PCDHGB1: variants seen among roughly 807,000 people sequenced by gnomAD.
PCDHGB1 encodes protocadherin gamma-B1.
In PCDHGB1, 34 loss-of-function variants were observed where a neutral mutation model predicts 56.6. The ratio of observed to expected loss-of-function variants is 0.60; its 90% CI spans 0.46 to 0.80. The LOEUF (loss-of-function observed/expected upper bound fraction) is 0.80, where lower values mean the gene tolerates loss of function less well. Among genes scored for constraint, PCDHGB1 ranks in the 30% least tolerant of loss-of-function variants. PCDHGB1 has a pLI of 0.00. For missense variants in PCDHGB1, 1,278 were observed against 1,204.6 expected (o/e 1.06, Z -0.90); for synonymous variants, 561 against 505.9 (o/e 1.11, Z -1.46).
Position 141,487,856 on chromosome 5 carries a change from T to C in PCDHGB1, c.2410-6951T>C. The C allele has an allele frequency of 2.0e-6, 2 of 977,364 alleles. No homozygotes were observed. The highest frequency in any genetic ancestry group is 3.0e-6 in the Non-Finnish European group (2 of 671,858). 60.5% of individuals were successfully genotyped at this position (977,364 alleles called of 1,614,324 possible). A position where few individuals can be genotyped will look rare whatever the true frequency, so the allele number is the denominator to read the frequency against. Reference sequence around the variant, plus strand: ...ATATCTGAGTAAGAAATGAAAGTAATTGGTGATCAAGAGCCAGGCTGTTGT... The same window carrying C: ...ATATCTGAGTAAGAAATGAAAGTAACTGGTGATCAAGAGCCAGGCTGTTGT... On this transcript the variant is annotated intron_variant, in intron 1 of 3. Transcript: ENST00000523390. The surrounding 1 kb of genome is among the most constrained non-coding windows in gnomAD (Gnocchi z 5.0).
chr5:141,500,187 TATTTA>T (rs1467273493), intron 2 of PCDHGB1, among the ~76,000 whole-genome samples: 2 of 110,668 alleles, frequency 1.8e-5, no homozygotes, highest in Non-Finnish European at 3.6e-5. Flanking sequence ...TTTTTATTTT[TATTTA>T]TTTATTTATT....
chr5:141,408,738 C>T, intron 1 of PCDHGB1: 2 of 1,609,632 alleles, frequency 1.2e-6, no homozygotes, highest in Non-Finnish European at 1.7e-6. Flanking sequence ...CCTTATTTTT[C>T]ATTAATGGTT....
At chr5:141,371,474 T>A in intron 1 of PCDHGB1, 1 of 1,613,986 alleles carries the variant, frequency 6.2e-7, no homozygotes, top group South Asian at 1.1e-5. Flanking sequence ...AAGAAGATGC[T>A]GAGCTGGGGA....
Position 141,486,552 on chromosome 5 carries a change from A to G in PCDHGB1, c.2410-8255A>G. On this transcript the variant is annotated intron_variant, in intron 1 of 3. Coordinates refer to ENST00000523390, the MANE Select transcript of PCDHGB1 (RefSeq NM_018922.3). This position sits in a 1 kb window ranked among gnomAD's most constrained non-coding sequence, Gnocchi z 5.0. ...CCACCCTCTTTCTTTCAGAGGTCAC[A>G]TGAGGTGTTTGTTCCTGAGAACAAT... is the stretch of plus-strand genomic sequence containing the variant. 1 of 1,614,136 alleles carries G rather than the reference A, an allele frequency of 6.2e-7. No homozygotes were observed. The highest frequency in any genetic ancestry group is 2.2e-5 in the East Asian group (1 of 44,882).
chr5:141,382,795 T>C, intron 1 of PCDHGB1: 1 of 982,614 alleles, frequency 1.0e-6, no homozygotes, highest in South Asian at 1.7e-5. Flanking sequence ...TCTATCCTGC[T>C]GGATTCTGAG....
intron 1 of PCDHGB1, among the ~76,000 whole-genome samples, chr5:141,406,925 GTAT>G (rs2094866637): frequency 6.6e-6 from 1 of 152,150 alleles, no homozygotes; most frequent in South Asian, 2.1e-4. Flanking sequence ...AGAGAATAAT[GTAT>G]TATTTAATGT....
At chr5:141,464,408 T>C (rs2154568477) in intron 1 of PCDHGB1, among the ~76,000 whole-genome samples, 1 of 151,718 alleles carries the variant, frequency 6.6e-6, no homozygotes, top group African/African-American at 2.4e-5. Flanking sequence ...CTGAGATATA[T>C]ATATATCTAT....
At chr5:141,409,876 C>G in intron 1 of PCDHGB1, 1 of 1,612,874 alleles carries the variant, frequency 6.2e-7, no homozygotes, top group East Asian at 2.2e-5. Flanking sequence ...GCAATGACAA[C>G]GCACCGCGGG....
intron 1 of PCDHGB1, among the ~76,000 whole-genome samples, chr5:141,401,463 C>G (rs2094158062): frequency 6.6e-6 from 1 of 152,214 alleles, no homozygotes; most frequent in Admixed American, 6.5e-5. Flanking sequence ...AAATAATTTT[C>G]TAAGTTTATC....
intron 1 of PCDHGB1, chr5:141,384,001 CT>C (rs752837795): frequency 6.2e-7 from 1 of 1,613,828 alleles, no homozygotes; most frequent in South Asian, 1.1e-5. Context: ...AGTCATTGCT[CT>C]TTTCTACCTA....
At chr5:141,393,075 G>A in intron 1 of PCDHGB1, 1 of 1,613,702 alleles carries the variant, frequency 6.2e-7, no homozygotes, top group Non-Finnish European at 8.5e-7. Context: ...GATCACCGCG[G>A]GCAGGATAGA....
rs187495695 is a variant in PCDHGB1, at chr5:141,486,508, T to G, written c.2410-8299T>G. The G allele has an allele frequency of 9.3e-6, 15 of 1,614,172 alleles. No homozygotes were observed. In the Admixed American group the frequency reaches 2.5e-4, roughly 27 times the overall value. The stretch of plus-strand genomic sequence containing the variant: ...CCCACAGAACTATTTTCCTCAATAT[T>G]TCAGATGTGAATGATAATCCACCCT... On this transcript the variant is annotated intron_variant, in intron 1 of 3. Coordinates refer to ENST00000523390, the MANE Select transcript of PCDHGB1 (RefSeq NM_018922.3). The surrounding 1 kb of genome is among the most constrained non-coding windows in gnomAD (Gnocchi z 5.0).
intron 1 of PCDHGB1, chr5:141,421,546 A>C: frequency 6.2e-7 from 1 of 1,614,014 alleles, no homozygotes; most frequent in Non-Finnish European, 8.5e-7. Context: ...TTTTTTAAAT[A>C]TGGAACTTCT....
At chr5:141,356,466 A>C in intron 1 of PCDHGB1, 1 of 1,613,768 alleles carries the variant, frequency 6.2e-7, no homozygotes, top group Non-Finnish European at 8.5e-7. Flanking sequence ...ACATCACTGT[A>C]ACTGCCACTG....
chr5:141,412,020 C>G (rs1158851404), intron 1 of PCDHGB1: 1 of 145,358 alleles, frequency 6.9e-6, no homozygotes, highest in Non-Finnish European at 1.5e-5. Context: ...TCTGAACATC[C>G]TGTTCTCTGT....
At chr5:141,390,424 T>C (rs1175804708) in intron 1 of PCDHGB1, 23 of 1,041,938 alleles carry the variant, frequency 2.2e-5, no homozygotes, top group Non-Finnish European at 3.0e-5. Flanking sequence ...GTTAAAAAGC[T>C]GTCATATCAT....
intron 1 of PCDHGB1, among the ~76,000 whole-genome samples, chr5:141,382,008 T>C (rs2150196645): frequency 6.6e-6 from 1 of 151,992 alleles, no homozygotes; most frequent in Middle Eastern, 3.4e-3. Context: ...TTTGTATTTT[T>C]AGTAGAGACG....
intron 1 of PCDHGB1, chr5:141,395,544 G>A (rs1352260391): frequency 8.7e-5 from 1 of 11,524 alleles, no homozygotes. Flanking sequence ...GCTATTGTTT[G>A]TGTGTGTGTG....
At chr5:141,439,215 G>A (rs1319217047) in intron 1 of PCDHGB1, among the ~76,000 whole-genome samples, 2 of 151,488 alleles carry the variant, frequency 1.3e-5, no homozygotes, top group African/African-American at 4.9e-5. Flanking sequence ...ATCCATATGT[G>A]AAAATTCTTA....
Sources: gnomAD v4.1 joint callset for allele counts (sites outside exome capture counted in the v4.1 genomes callset) on GRCh38, gnomAD v4.1.1 for gene constraint, Gnocchi (gnomAD v3.1) non-coding constraint, MANE v1.5 for transcripts, NCBI Gene and HGNC (gene_info 2026-07-23, HGNC 2026-07-21) for gene names.